Variants in LLGL2 observed in about 807,000 individuals in gnomAD.
LLGL2 encodes the protein LLGL2, scribble cell polarity complex component.
LLGL2 carries 81 observed loss-of-function variants against 123.2 expected under a neutral mutation model. The ratio of observed to expected loss-of-function variants is 0.66; its 90% CI spans 0.55 to 0.79. LLGL2 has a LOEUF of 0.79. Ranked by LOEUF, LLGL2 falls within the 30% of genes least tolerant of loss-of-function variation. The pLI, the probability that LLGL2 is intolerant of heterozygous loss-of-function variation, is 0.00. For synonymous variants in LLGL2, 577 were observed against 594.1 expected, an observed-to-expected ratio of 0.97 and a Z score of 0.42; for missense variants, 1,273 against 1,414.6, an observed-to-expected ratio of 0.90 and a Z score of 1.61.
At position 75,571,292 on chromosome 17, in the gene LLGL2, T is replaced by G. The variant is rs569570597; in HGVS notation, c.2176+192T>G. On this transcript the variant is annotated intron_variant, in intron 17 of 25. Coordinates refer to ENST00000392550, the MANE Select transcript of LLGL2 (RefSeq NM_001031803.2). Reference sequence around the variant, plus strand: ...GCCTCAGCCTCTGAGTCAGCTTCCCTTGGCTTTATATCCAGGCCGTAGCAC... The same window carrying G: ...GCCTCAGCCTCTGAGTCAGCTTCCCGTGGCTTTATATCCAGGCCGTAGCAC... 88 of 608,730 alleles carry G rather than the reference T, an allele frequency of 1.4e-4. 1 individual carries two copies. The South Asian group carries it at 1.7e-3, about 11-fold the overall frequency. 37.7% of individuals were successfully genotyped at this position (608,730 alleles called of 1,614,324 possible). A position where few individuals can be genotyped will look rare whatever the true frequency, so the allele number is the denominator to read the frequency against.
rs1346110914 is a variant in LLGL2, at chr17:75,559,033, G to A, written c.372-219G>A. Reference sequence around the variant, plus strand: ...CTCCTCCATCCGCACCCCGTGTTATGCTGGAGGGTCCCTGGCGTCTTTCCT... The same window carrying A: ...CTCCTCCATCCGCACCCCGTGTTATACTGGAGGGTCCCTGGCGTCTTTCCT... On this transcript the variant is annotated intron_variant, in intron 5 of 25. Transcript: ENST00000392550. The surrounding 1 kb of genome is among the most constrained non-coding windows in gnomAD (Gnocchi z 4.6). 38 of 558,922 alleles carry A rather than the reference G, an allele frequency of 6.8e-5. No homozygotes were observed. The East Asian group carries it at 1.0e-3, about 15-fold the overall frequency. The allele number at this position is 558,922 out of a possible 1,614,324, so 34.6% of individuals were successfully genotyped here.
rs2055116649 is a variant in LLGL2 at position 75,559,796 on chromosome 17, T to C, written c.530+386T>C. Among the ~76,000 whole-genome samples the C allele has an allele frequency of 6.6e-6, 1 of 152,114 alleles. No individual in the cohort carries two copies. Among genetic ancestry groups the C allele is most frequent in the Non-Finnish European group, 1.5e-5 (1 of 68,016 alleles). On this transcript the variant is annotated intron_variant, in intron 6 of 25. Coordinates refer to ENST00000392550, the MANE Select transcript of LLGL2 (RefSeq NM_001031803.2). The surrounding 1 kb of genome is among the most constrained non-coding windows in gnomAD (Gnocchi z 4.6). The stretch of plus-strand genomic sequence containing the variant: ...TCCTGGTGCCACCCTTTGCGGTGGG[T>C]ACTTTGCTGAGGTTCCATTTGCTCG...
intron 2 of LLGL2, among the ~76,000 whole-genome samples, chr17:75,548,273 T>TC (rs2054514234): frequency 6.7e-6 from 1 of 149,356 alleles, no homozygotes; most frequent in Non-Finnish European, 1.5e-5. Context: ...GACAATTTTT[T>TC]TTTTCCTTTT....
intron 16 of LLGL2, 58 bp downstream of exon 16, chr17:75,570,556 C>G (rs2055656536): frequency 6.5e-7 from 1 of 1,529,300 alleles, no homozygotes; most frequent in Non-Finnish European, 8.8e-7. Context: ...TCAGAGCAGC[C>G]AGCAGGGGGG....
chr17:75,534,396 C>G (rs2053925570), intron 1 of LLGL2, among the ~76,000 whole-genome samples: 1 of 152,216 alleles, frequency 6.6e-6, no homozygotes, highest in African/African-American at 2.4e-5. Context: ...AGCCTGCGAG[C>G]AGGCAGCCCC....
At chr17:75,563,881 C>A in intron 9 of LLGL2, 75 bp downstream of exon 9, 1 of 1,473,404 alleles carries the variant, frequency 6.8e-7, no homozygotes, top group South Asian at 1.1e-5. Flanking sequence ...AGGCCTCTGC[C>A]TGGGAAGTTG....
Position 75,545,000 on chromosome 17 carries a change from C to T in LLGL2, c.75+1499C>T, listed in dbSNP as rs1461020594. Among the ~76,000 whole-genome samples the T allele has an allele frequency of 6.6e-6, 1 of 152,074 alleles. No individual in the cohort carries two copies. Among genetic ancestry groups the T allele is most frequent in the East Asian group, 1.9e-4 (1 of 5,192 alleles). The stretch of plus-strand genomic sequence containing the variant: ...CTATGGGTGCTGGGTCTCAAAGCTT[C>T]GGTGTCCACGGGAGATGGAAGGGAA... On this transcript the variant is annotated intron_variant, in intron 2 of 25. Coordinates refer to ENST00000392550, the MANE Select transcript of LLGL2 (RefSeq NM_001031803.2). This position sits in a 1 kb window ranked among gnomAD's most constrained non-coding sequence, Gnocchi z 4.2.
chr17:75,550,794 A>AC (rs2054634509), intron 2 of LLGL2, among the ~76,000 whole-genome samples: 1 of 150,506 alleles, frequency 6.6e-6, no homozygotes, highest in Admixed American at 6.6e-5. Context: ...AAAAAAAAAA[A>AC]AAAAAAAAAA....
At position 75,563,190 on chromosome 17, in the gene LLGL2, C is replaced by G. The variant is rs772910657; in HGVS notation, c.693+12C>G. On this transcript the variant is annotated intron_variant, in intron 7 of 25. Transcript: ENST00000392550. ...TCCTCAGCAGCCAGGTAGGCAGTGC[C>G]CAGGACATGGCAGGCGCCATGTTGC... The G allele has an allele frequency of 8.1e-6, 13 of 1,612,640 alleles. No homozygotes were observed. Among genetic ancestry groups the G allele is most frequent in the Non-Finnish European group, 1.1e-5 (13 of 1,179,880 alleles).
chr17:75,572,388 G>A (rs2055757007), intron 19 of LLGL2, among the ~76,000 whole-genome samples: 2 of 152,306 alleles, frequency 1.3e-5, no homozygotes, highest in East Asian at 1.9e-4. Flanking sequence ...CATGGGCCAG[G>A]CGCGGTGGCT....
chr17:75,571,700 C>T lies in LLGL2; in HGVS notation c.2210C>T (p.Thr737Ile), dbSNP rs746510002. The part of the protein sequence containing the change: ...SRHCPSLWAG[T>I]NGGTIYAFSL... The stretch of plus-strand genomic sequence containing the variant: ...CACTGCCCCTCGCTGTGGGCTGGCA[C>T]CAATGGGGGCACCATCTATGCCTTC... Residue 737 changes from threonine (T) to isoleucine (I), a missense_variant, in exon 18 of 26, where the codon ACC becomes ATC. Physicochemically the swap from Thr to Ile is moderately conservative, Grantham distance 89. Transcript: ENST00000392550. 6.2e-7 allele frequency: 1 copy of T among 1,609,634 alleles called. No homozygotes were observed. Among genetic ancestry groups the T allele is most frequent in the Middle Eastern group, 1.7e-4 (1 of 5,972 alleles).
intron 1 of LLGL2, among the ~76,000 whole-genome samples, chr17:75,537,282 C>T (rs1387965782): frequency 6.6e-6 from 1 of 152,098 alleles, no homozygotes; most frequent in East Asian, 1.9e-4. Context: ...GGAGGCTGTC[C>T]CTGTCCACCA....
Position 75,571,621 on chromosome 17 carries a change from G to A in LLGL2, c.2177-46G>A, listed in dbSNP as rs368384635. On this transcript the variant is annotated intron_variant, in intron 17 of 25. Transcript: ENST00000392550. ...AAACCCTGGTTGCCCAGCTCCACCC[G>A]ACTCCCACGCTAAGGGTCAGACACC... The A allele has an allele frequency of 4.2e-5, 61 of 1,447,702 alleles. No homozygotes were observed. In the Middle Eastern group the frequency reaches 7.7e-4, roughly 18 times the overall value. 89.7% of individuals were successfully genotyped at this position (1,447,702 alleles called of 1,614,324 possible). A position where few individuals can be genotyped will look rare whatever the true frequency, so the allele number is the denominator to read the frequency against.
At position 75,549,306 on chromosome 17, in the gene LLGL2, G is replaced by A. The variant is rs965181162; in HGVS notation, c.75+5805G>A. Among the ~76,000 whole-genome samples the A allele has an allele frequency of 7.9e-5, 12 of 152,226 alleles. No homozygotes were observed. The East Asian group carries it at 1.9e-3, about 24-fold the overall frequency. On this transcript the variant is annotated intron_variant, in intron 2 of 25. Coordinates refer to ENST00000392550, the MANE Select transcript of LLGL2 (RefSeq NM_001031803.2). This position sits in a 1 kb window ranked among gnomAD's most constrained non-coding sequence, Gnocchi z 4.0. ...TGCTGGAGAAGTCAAGGTAAAACCC[G>A]TTCCTAGACAACTGCTCACAGCCAG...
rs137856107 is a variant in LLGL2, at chr17:75,549,449, G to A, written c.75+5948G>A. ...ACCTGCCTGGGCCTTCCCTGCCCGT[G>A]CCCACCCTCCTCTGTCCCCTTAGGC... On this transcript the variant is annotated intron_variant, in intron 2 of 25. Coordinates refer to ENST00000392550, the MANE Select transcript of LLGL2 (RefSeq NM_001031803.2). This position sits in a 1 kb window ranked among gnomAD's most constrained non-coding sequence, Gnocchi z 4.0. Among the ~76,000 whole-genome samples the A allele has an allele frequency of 0.015, 2,270 of 152,006 alleles. 61 individuals carry two copies. The highest frequency in any genetic ancestry group is 0.071 in the Admixed American group (1,091 of 15,278).
Position 75,549,593 on chromosome 17 carries a change from C to T in LLGL2, c.75+6092C>T, listed in dbSNP as rs2054576819. 1.3e-5 allele frequency among the ~76,000 whole-genome samples: 2 copies of T among 152,244 alleles called. No homozygotes were observed. ...GTGACAGCAGCCACACAGGGAGGGC[C>T]AGGCTGCCGCCACTGCCAGGAATCT... On this transcript the variant is annotated intron_variant, in intron 2 of 25. Transcript: ENST00000392550. The surrounding 1 kb of genome is among the most constrained non-coding windows in gnomAD (Gnocchi z 4.0).
At position 75,564,326 on chromosome 17, in the gene LLGL2, C is replaced by T. The variant is rs1296067909; in HGVS notation, c.882-27C>T. ...TTGAGGCTGTGCCAGGAGCCCCAGCCCACTGCCGCTCCTCTGTGCCTGCCA... is the reference window on the plus strand; with the variant it reads ...TTGAGGCTGTGCCAGGAGCCCCAGCTCACTGCCGCTCCTCTGTGCCTGCCA... On this transcript the variant is annotated intron_variant, in intron 9 of 25. Coordinates refer to ENST00000392550, the MANE Select transcript of LLGL2 (RefSeq NM_001031803.2). This position sits in a 1 kb window ranked among gnomAD's most constrained non-coding sequence, Gnocchi z 4.9. 1.3e-6 allele frequency: 2 copies of T among 1,585,384 alleles called. No homozygotes were observed. The highest frequency in any genetic ancestry group is 1.1e-5 in the South Asian group (1 of 88,176).
chr17:75,568,093 CG>C (rs1444135018), intron 10 of LLGL2: 23 of 1,135,810 alleles, frequency 2.0e-5, no homozygotes, highest in Non-Finnish European at 2.5e-5. Context: ...GAAGACCACG[CG>C]TGCTGCTGCC....
intron 3 of LLGL2, among the ~76,000 whole-genome samples, chr17:75,557,160 T>C (rs925142270): frequency 3.5e-4 from 53 of 149,472 alleles, no homozygotes; most frequent in Middle Eastern, 3.2e-3. Context: ...GTTACAGGCA[T>C]GAGTCACTGC....
Sources: allele counts gnomAD v4.1 joint callset (sites outside exome capture counted in the v4.1 genomes callset), GRCh38; gene constraint gnomAD v4.1.1; non-coding constraint Gnocchi (gnomAD v3.1); transcripts MANE v1.5; gene names NCBI Gene and HGNC (gene_info 2026-07-23, HGNC 2026-07-21).